Variants in SKAP1 observed in about 807,000 individuals in gnomAD.
SKAP1 encodes src kinase associated phosphoprotein 1.
SKAP1 carries 44 observed loss-of-function variants against 58.5 expected under a neutral mutation model. That is an observed-to-expected ratio of 0.75 (90% CI 0.59 to 0.97). The LOEUF (loss-of-function observed/expected upper bound fraction) is 0.97, where lower values mean the gene tolerates loss of function less well. Among genes scored for constraint, SKAP1 ranks in the 50% least tolerant of loss-of-function variants. SKAP1 has a pLI of 0.00. For missense variants in SKAP1, 390 were observed against 435.2 expected, an observed-to-expected ratio of 0.90 and a Z score of 0.92; for synonymous variants, 127 against 149.7, an observed-to-expected ratio of 0.85 and a Z score of 1.11.
intron 4 of SKAP1, among the ~76,000 whole-genome samples, chr17:48,256,283 T>C: frequency 6.6e-6 from 1 of 152,084 alleles, no homozygotes; most frequent in East Asian, 1.9e-4. Context: ...CCATGTAAAC[T>C]TTATTAATGG....
At chr17:48,185,449 C>T (rs980319637) in intron 6 of SKAP1, among the ~76,000 whole-genome samples, 3 of 151,762 alleles carry the variant, frequency 2.0e-5, no homozygotes, top group Non-Finnish European at 2.9e-5. Flanking sequence ...TATTAGATGA[C>T]GAGGAAGGAG....
At position 48,137,324 on chromosome 17, in the gene SKAP1, T is replaced by C; in HGVS notation, c.992A>G (p.Tyr331Cys). 2 of 1,612,310 alleles carry C rather than the reference T, an allele frequency of 1.2e-6. No individual in the cohort carries two copies. The highest frequency in any genetic ancestry group is 1.7e-6 in the Non-Finnish European group (2 of 1,178,370). ...IRILSKEYNM[Y>C]GWWVGELNSL... ...GTTCAGTTCTCCCACCCACCAGCCATACATGTTATACTCCTGAAAAGTGAA... is the reference window on the plus strand; with the variant it reads ...GTTCAGTTCTCCCACCCACCAGCCACACATGTTATACTCCTGAAAAGTGAA... The change falls in exon 12 of 13, where the codon TAT becomes TGT. Residue 331 changes from tyrosine (Y) to cysteine (C), a missense_variant. Coordinates refer to ENST00000336915, the MANE Select transcript of SKAP1 (RefSeq NM_003726.4).
At chr17:48,265,472 T>C (rs2065534663) in intron 4 of SKAP1, among the ~76,000 whole-genome samples, 1 of 148,950 alleles carries the variant, frequency 6.7e-6, no homozygotes. Context: ...ACCACTGCAC[T>C]CCAGCCTGGG....
the SKAP1 span, among the ~76,000 whole-genome samples, chr17:48,437,992 C>G: frequency 2.0e-5 from 3 of 151,980 alleles, no homozygotes; most frequent in Non-Finnish European, 4.4e-5. Context: ...GCTTCTAACC[C>G]GGCCTCCCAC....
At chr17:48,295,675 T>C (rs2065959658) in intron 4 of SKAP1, 1 of 151,668 alleles carries the variant, frequency 6.6e-6, no homozygotes, top group Non-Finnish European at 1.5e-5. Flanking sequence ...TCTATTTGGA[T>C]ATATTTAATA....
chr17:48,298,000 T>C (rs1340618346), intron 4 of SKAP1, among the ~76,000 whole-genome samples: 1 of 152,186 alleles, frequency 6.6e-6, no homozygotes, highest in Non-Finnish European at 1.5e-5. Context: ...CTCTTCTGTT[T>C]GCTGCACTCC....
intron 9 of SKAP1, among the ~76,000 whole-genome samples, chr17:48,175,135 C>G (rs565444618): frequency 3.9e-5 from 6 of 152,296 alleles, no homozygotes; most frequent in African/African-American, 1.2e-4. Context: ...TCTCATGACA[C>G]CTGGCTATTT....
At chr17:48,423,636 G>C (rs1462718454) in intron 1 of SKAP1, among the ~76,000 whole-genome samples, 2 of 151,972 alleles carry the variant, frequency 1.3e-5, no homozygotes, top group Non-Finnish European at 1.5e-5. Flanking sequence ...AGCCACATGT[G>C]GCTAGTGACT....
At chr17:48,221,789 G>A (rs1377874920) in intron 4 of SKAP1, among the ~76,000 whole-genome samples, 1 of 152,158 alleles carries the variant, frequency 6.6e-6, no homozygotes, top group African/African-American at 2.4e-5. Context: ...GTTCAACAGT[G>A]GGATGGTGGC....
At chr17:48,377,635 A>T (rs969801743) in intron 2 of SKAP1, among the ~76,000 whole-genome samples, 1 of 152,052 alleles carries the variant, frequency 6.6e-6, no homozygotes, top group African/African-American at 2.4e-5. Context: ...CAATTGTGCA[A>T]TTTTTCTCCA....
At chr17:48,150,803 C>T (rs1428132676) in intron 11 of SKAP1, among the ~76,000 whole-genome samples, 1 of 152,184 alleles carries the variant, frequency 6.6e-6, no homozygotes, top group Non-Finnish European at 1.5e-5. Context: ...GAAAAAGGTG[C>T]AAGGAAGATT....
At chr17:48,410,920 G>A (rs1055278337) in intron 1 of SKAP1, among the ~76,000 whole-genome samples, 1 of 110,244 alleles carries the variant, frequency 9.1e-6, no homozygotes. Flanking sequence ...GAGCGACAGA[G>A]CGAGACTCCA....
At chr17:48,392,310 G>A (rs746376475) in intron 2 of SKAP1, among the ~76,000 whole-genome samples, 3 of 152,180 alleles carry the variant, frequency 2.0e-5, no homozygotes, top group Non-Finnish European at 4.4e-5. Flanking sequence ...TCAGCCTGTA[G>A]TTTAAATGTC....
intron 3 of SKAP1, among the ~76,000 whole-genome samples, chr17:48,348,695 G>T (rs2144339750): frequency 6.6e-6 from 1 of 152,232 alleles, no homozygotes; most frequent in South Asian, 2.1e-4. Flanking sequence ...GTATCACATT[G>T]CCTTCACAGT....
At position 48,164,818 on chromosome 17, in the gene SKAP1, A is replaced by G. The variant is rs908827397; in HGVS notation, c.878-2249T>C. 9.2e-5 allele frequency among the ~76,000 whole-genome samples: 14 copies of G among 152,354 alleles called. No homozygotes were observed. The East Asian group carries it at 2.7e-3, about 29-fold the overall frequency. ...TGCTAGCTAGCTAGAAGTATTCTCT[A>G]TTAAGGAAATCAGTGAGGGATAATT... On this transcript the variant is annotated intron_variant, in intron 10 of 12. Transcript: ENST00000336915.
chr17:48,233,534 T>TAGTCCCAGCTACTCGGGAGGCTGAGGCAG (rs1567831319), intron 4 of SKAP1, among the ~76,000 whole-genome samples: 2 of 151,996 alleles, frequency 1.3e-5, no homozygotes, highest in African/African-American at 4.8e-5. Flanking sequence ...AAAATTTTAC[T>TAGTCCCAGCTACTCGGGAGGCTGAGGCAG]GTACTAATTG....
intron 4 of SKAP1, among the ~76,000 whole-genome samples, chr17:48,255,602 A>C (rs959685009): frequency 1.3e-5 from 2 of 152,086 alleles, no homozygotes; most frequent in African/African-American, 4.8e-5. Flanking sequence ...CTAATTTTCC[A>C]GTAAAAAATT....
chr17:48,247,335 A>G (rs1015466923), intron 4 of SKAP1, among the ~76,000 whole-genome samples: 7 of 152,210 alleles, frequency 4.6e-5, no homozygotes, highest in Admixed American at 3.3e-4. Context: ...AAATAGCTAG[A>G]AAAAGGGATT....
chr17:48,402,453 C>T (rs748685463), intron 1 of SKAP1, among the ~76,000 whole-genome samples: 2 of 152,138 alleles, frequency 1.3e-5, no homozygotes, highest in African/African-American at 4.8e-5. Context: ...CCTCAGCCCC[C>T]CAAGTAGCTG....
Sources: allele counts gnomAD v4.1 joint callset (sites outside exome capture counted in the v4.1 genomes callset), GRCh38; gene constraint gnomAD v4.1.1; transcripts MANE v1.5; gene names NCBI Gene and HGNC (gene_info 2026-07-23, HGNC 2026-07-21).